The following ITGB3BP variants were observed in gnomAD, a reference collection of about 807,000 sequenced individuals.
ITGB3BP encodes the protein integrin subunit beta 3 binding protein.
ITGB3BP carries 27 observed loss-of-function variants against 29.1 expected under a neutral mutation model. The observed-to-expected ratio is 0.93, with a 90% CI of 0.68 to 1.28. The LOEUF is 1.28. ITGB3BP is among the 50% of genes most tolerant of loss of function. The pLI is 0.00. For missense variants in ITGB3BP, 192 were observed against 200.2 expected (o/e 0.96, Z 0.25); for synonymous variants, 61 against 61.4 (o/e 0.99, Z 0.03).
chr1:63,468,630 G>A (rs1645140763), intron 4 of ITGB3BP, among the ~76,000 whole-genome samples: 1 of 151,486 alleles, frequency 6.6e-6, no homozygotes, highest in Admixed American at 6.6e-5. Context: ...GGGAGGCCGA[G>A]GCGGGCGGAC....
At chr1:63,467,966 T>A (rs1332603254) in intron 4 of ITGB3BP, among the ~76,000 whole-genome samples, 2 of 152,124 alleles carry the variant, frequency 1.3e-5, no homozygotes, top group Admixed American at 1.3e-4. Flanking sequence ...TACTAGAGTA[T>A]CTCCCATAAT....
chr1:63,482,356 T>C (rs774231993), intron 3 of ITGB3BP, among the ~76,000 whole-genome samples: 3 of 151,452 alleles, frequency 2.0e-5, no homozygotes, highest in Admixed American at 6.6e-5. Context: ...ACCCATACTT[T>C]ATAGTTGATA....
chr1:63,489,803 A>G (rs1241634261), intron 3 of ITGB3BP, among the ~76,000 whole-genome samples: 1 of 152,130 alleles, frequency 6.6e-6, no homozygotes, highest in Non-Finnish European at 1.5e-5. Flanking sequence ...TAAGGGGCAT[A>G]TCTGTAACCA....
chr1:63,498,107 G>T (rs995365866), intron 2 of ITGB3BP, among the ~76,000 whole-genome samples: 3 of 152,072 alleles, frequency 2.0e-5, no homozygotes, highest in Non-Finnish European at 4.4e-5. Flanking sequence ...AACTATAATA[G>T]TTGGAAACTT....
chr1:63,511,946 T>C (rs900099110), intron 1 of ITGB3BP, among the ~76,000 whole-genome samples: 11 of 152,174 alleles, frequency 7.2e-5, no homozygotes, highest in African/African-American at 2.7e-4. Context: ...AATTTTGTTA[T>C]ATATAATTTA....
chr1:63,525,635 T>A, upstream of ITGB3BP: 1 of 1,602,780 alleles, frequency 6.2e-7, no homozygotes, highest in Non-Finnish European at 8.5e-7. Flanking sequence ...CTTCAGAGAG[T>A]CCTCGAACAA....
intron 1 of ITGB3BP, among the ~76,000 whole-genome samples, chr1:63,519,031 T>C (rs1402656551): frequency 6.6e-6 from 1 of 152,156 alleles, no homozygotes; most frequent in Non-Finnish European, 1.5e-5. Context: ...TGGTATCATA[T>C]ATATTATGTC....
chr1:63,448,487 A>C (rs1405352504), intron 7 of ITGB3BP, among the ~76,000 whole-genome samples: 2 of 152,036 alleles, frequency 1.3e-5, no homozygotes, highest in African/African-American at 4.8e-5. Context: ...CTGGAGGAAA[A>C]ATCACCTAAT....
chr1:63,456,982 C>T (rs921074424), intron 4 of ITGB3BP, among the ~76,000 whole-genome samples: 1 of 152,188 alleles, frequency 6.6e-6, no homozygotes. Context: ...GTTTTCAAAA[C>T]ATCTTTGATA....
At position 63,480,105 on chromosome 1, in the gene ITGB3BP, A is replaced by C. The variant is rs187136382; in HGVS notation, c.185-1272T>G. On this transcript the variant is annotated intron_variant, in intron 3 of 8. Coordinates refer to ENST00000271002, the MANE Select transcript of ITGB3BP (RefSeq NM_014288.5). ...ATTTAAGATAACAATAAAATAAATA[A>C]ATGGTTACCTTCCATTTAAAATGCC... Among the ~76,000 whole-genome samples, 241 of 152,260 alleles carry C rather than the reference A, an allele frequency of 1.6e-3. 3 individuals are homozygous for C. Among genetic ancestry groups the C allele is most frequent in the African/African-American group, 5.4e-3 (223 of 41,590 alleles).
intron 4 of ITGB3BP, among the ~76,000 whole-genome samples, chr1:63,475,777 C>T (rs1426404247): frequency 6.6e-6 from 1 of 151,840 alleles, no homozygotes; most frequent in African/African-American, 2.4e-5. Context: ...GCGGGCAGAT[C>T]ACCTGAGGTC....
At chr1:63,498,231 T>G (rs972722105) in intron 2 of ITGB3BP, among the ~76,000 whole-genome samples, 2 of 151,662 alleles carry the variant, frequency 1.3e-5, no homozygotes, top group African/African-American at 4.9e-5. Context: ...TATAGAACCC[T>G]CCCCCAACAA....
chr1:63,521,323 G>A (rs1448184835), intron 1 of ITGB3BP, among the ~76,000 whole-genome samples: 13 of 150,472 alleles, frequency 8.6e-5, no homozygotes, highest in Admixed American at 7.3e-4. Flanking sequence ...ATGCCATTAC[G>A]TTTTATGCAT....
intron 8 of ITGB3BP, chr1:63,442,960 T>G (rs1644747883): frequency 6.6e-6 from 1 of 152,270 alleles, no homozygotes; most frequent in Admixed American, 6.5e-5. Context: ...TTGATGGTCT[T>G]AGCACTCTGG....
chr1:63,515,439 T>C (rs1335995258), intron 1 of ITGB3BP, among the ~76,000 whole-genome samples: 1 of 152,202 alleles, frequency 6.6e-6, no homozygotes, highest in Non-Finnish European at 1.5e-5. Flanking sequence ...TTTTCAAAAT[T>C]GTTTTGGCTA....
upstream of ITGB3BP, chr1:63,523,241 G>A (rs901805217): frequency 2.0e-5 from 30 of 1,481,910 alleles, no homozygotes; most frequent in Admixed American, 5.1e-4. Context: ...GCGCGCGCTG[G>A]ACGTTGCGTC....
chr1:63,483,743 C>A (rs1193048057), intron 3 of ITGB3BP, among the ~76,000 whole-genome samples: 1 of 152,146 alleles, frequency 6.6e-6, no homozygotes, highest in Non-Finnish European at 1.5e-5. Context: ...ACAGTGGTCT[C>A]ATAAGATTAT....
intron 4 of ITGB3BP, among the ~76,000 whole-genome samples, chr1:63,475,085 C>A (rs2100609013): frequency 6.6e-6 from 1 of 152,144 alleles, no homozygotes; most frequent in South Asian, 2.1e-4. Context: ...AGTGATCCTC[C>A]CACCTCAGCC....
upstream of ITGB3BP, chr1:63,525,479 C>T: frequency 9.5e-7 from 1 of 1,052,170 alleles, no homozygotes; most frequent in Non-Finnish European, 1.3e-6. Flanking sequence ...TGTATAAAAT[C>T]TTGATTCTCC....
Sources: gnomAD v4.1 joint callset for allele counts (sites outside exome capture counted in the v4.1 genomes callset) on GRCh38, gnomAD v4.1.1 for gene constraint, MANE v1.5 for transcripts, NCBI Gene and HGNC (gene_info 2026-07-23, HGNC 2026-07-21) for gene names.